The following DLGAP2 variants were observed in gnomAD, a reference collection of about 807,000 sequenced individuals.
DLGAP2 encodes the protein DLG associated protein 2, also known as disks large-associated protein 2.
Under a neutral mutation model 100.3 loss-of-function variants are expected in DLGAP2, and 26 were observed. The observed-to-expected ratio is 0.26, with a 90% CI of 0.19 to 0.36. The LOEUF is 0.36. Among genes scored for constraint, DLGAP2 ranks in the 10% least tolerant of loss-of-function variants. DLGAP2 has a pLI of 1.00. For missense variants in DLGAP2, 1,858 were observed against 1,453.2 expected (o/e 1.28, Z -4.53); for synonymous variants, 886 against 630.1 (o/e 1.41, Z -6.08).
intron 5 of DLGAP2, among the ~76,000 whole-genome samples, chr8:1,561,873 G>A (rs1357133135): frequency 2.4e-5 from 1 of 41,780 alleles, no homozygotes; most frequent in Non-Finnish European, 4.5e-5. Flanking sequence ...ACTGTGTGGT[G>A]TTGGGTGTCC....
chr8:1,630,667 A>T (rs1474945175), intron 7 of DLGAP2, among the ~76,000 whole-genome samples: 2 of 151,550 alleles, frequency 1.3e-5, no homozygotes, highest in African/African-American at 4.8e-5. Flanking sequence ...ACGCCACTGC[A>T]CTCCAGCCTG....
chr8:1,622,920 T>G (rs1439299168), intron 6 of DLGAP2, among the ~76,000 whole-genome samples: 1 of 152,130 alleles, frequency 6.6e-6, no homozygotes, highest in South Asian at 2.1e-4. Flanking sequence ...TGCTGGGGAC[T>G]TCACCCTGTG....
chr8:1,674,741 T>A (rs1188892571), intron 10 of DLGAP2, among the ~76,000 whole-genome samples: 2 of 152,236 alleles, frequency 1.3e-5, no homozygotes, highest in Non-Finnish European at 2.9e-5. Flanking sequence ...TGTATTTATA[T>A]AGCAGCATCA....
At chr8:939,976 C>T (rs1000100710) in intron 2 of DLGAP2, among the ~76,000 whole-genome samples, 6 of 151,978 alleles carry the variant, frequency 3.9e-5, no homozygotes, top group Non-Finnish European at 5.9e-5. Context: ...GCACACCAGG[C>T]CCCCAACTGC....
chr8:1,589,566 C>G (rs1167315867), intron 6 of DLGAP2, among the ~76,000 whole-genome samples: 3 of 152,170 alleles, frequency 2.0e-5, no homozygotes, highest in Non-Finnish European at 4.4e-5. Context: ...TCCCCAGTAT[C>G]TGGGACTACA....
intron 2 of DLGAP2, among the ~76,000 whole-genome samples, chr8:1,067,370 A>G (rs974559087): frequency 6.6e-6 from 1 of 152,174 alleles, no homozygotes; most frequent in Non-Finnish European, 1.5e-5. Context: ...CCTACCCAGC[A>G]GGGGCCCTGC....
At chr8:1,157,471 T>C (rs1796813474) in intron 2 of DLGAP2, among the ~76,000 whole-genome samples, 1 of 152,122 alleles carries the variant, frequency 6.6e-6, no homozygotes, top group South Asian at 2.1e-4. Flanking sequence ...AGTCTAAAGT[T>C]TTCATTCCCA....
intron 2 of DLGAP2, among the ~76,000 whole-genome samples, chr8:945,554 T>C (rs1799296773): frequency 6.6e-6 from 1 of 152,164 alleles, no homozygotes; most frequent in Non-Finnish European, 1.5e-5. Context: ...CCCATCTTTG[T>C]CTCTTCTTAC....
intron 7 of DLGAP2, among the ~76,000 whole-genome samples, chr8:1,631,905 A>C (rs1797656079): frequency 6.6e-6 from 1 of 152,094 alleles, no homozygotes; most frequent in Non-Finnish European, 1.5e-5. Context: ...CTTGCCTTTT[A>C]CTCTGCTGAC....
chr8:1,086,940 G>T (rs1803992475), intron 2 of DLGAP2, among the ~76,000 whole-genome samples: 1 of 152,122 alleles, frequency 6.6e-6, no homozygotes, highest in South Asian at 2.1e-4. Flanking sequence ...GCCAAAAACA[G>T]CTAAAGGATA....
chr8:916,140 A>G (rs1327293931), intron 2 of DLGAP2, among the ~76,000 whole-genome samples: 3 of 152,164 alleles, frequency 2.0e-5, no homozygotes, highest in Non-Finnish European at 4.4e-5. Flanking sequence ...CTCACTGTAG[A>G]CGCTCCGCAC....
At chr8:1,315,192 A>C (rs1236683077) in intron 3 of DLGAP2, among the ~76,000 whole-genome samples, 1 of 152,252 alleles carries the variant, frequency 6.6e-6, no homozygotes, top group Non-Finnish European at 1.5e-5. Context: ...AACACTCAAG[A>C]AACTCGGCAG....
At position 1,666,502 on chromosome 8, in the gene DLGAP2, G is replaced by A. The variant is rs1466635600; in HGVS notation, c.1811-1827G>A. Among the ~76,000 whole-genome samples the A allele has an allele frequency of 2.0e-5, 3 of 152,088 alleles. No individual in the cohort carries two copies. In the South Asian group the frequency reaches 6.2e-4, roughly 32 times the overall value. On this transcript the variant is annotated intron_variant, in intron 8 of 14. Coordinates refer to ENST00000637795, the MANE Select transcript of DLGAP2 (RefSeq NM_001346810.2). ...TTGAGACCAGGCTGGCCCACATGGT[G>A]AAACCCTGTCTCTATTAAAAATACA...
intron 2 of DLGAP2, among the ~76,000 whole-genome samples, chr8:1,193,099 T>C (rs1214070314): frequency 6.6e-6 from 1 of 152,122 alleles, no homozygotes; most frequent in Non-Finnish European, 1.5e-5. Context: ...TGCTTCCAAG[T>C]CTTTGCTATG....
intron 8 of DLGAP2, among the ~76,000 whole-genome samples, chr8:1,667,926 C>T (rs1014927805): frequency 9.2e-5 from 14 of 151,968 alleles, no homozygotes; most frequent in Non-Finnish European, 1.8e-4. Flanking sequence ...CGGGGACACA[C>T]CTTGCCTAGG....
At chr8:1,118,052 T>G (rs1795936083) in intron 2 of DLGAP2, among the ~76,000 whole-genome samples, 1 of 152,260 alleles carries the variant, frequency 6.6e-6, no homozygotes, top group Non-Finnish European at 1.5e-5. Flanking sequence ...TCATTTGGTC[T>G]TAAGTGGTTT....
chr8:845,786 C>A (rs559154825), intron 1 of DLGAP2, among the ~76,000 whole-genome samples: 3 of 152,048 alleles, frequency 2.0e-5, no homozygotes, highest in African/African-American at 7.2e-5. Context: ...TTTTATATAC[C>A]TTTTGCTGTT....
intron 3 of DLGAP2, among the ~76,000 whole-genome samples, chr8:1,382,778 C>T (rs1457520111): frequency 6.6e-6 from 1 of 152,106 alleles, no homozygotes; most frequent in East Asian, 1.9e-4. Context: ...GTATAGTTTA[C>T]ATTGATTATA....
At chr8:1,248,232 G>C (rs138633703) in intron 2 of DLGAP2, among the ~76,000 whole-genome samples, 85 of 6,972 alleles carry the variant, frequency 0.012, 7 homozygotes, top group South Asian at 0.037. Context: ...CGGTGGCCGG[G>C]AAGACCTTTG....
Sources: allele counts gnomAD v4.1 joint callset (sites outside exome capture counted in the v4.1 genomes callset), GRCh38; gene constraint gnomAD v4.1.1; transcripts MANE v1.5; gene names NCBI Gene and HGNC (gene_info 2026-07-23, HGNC 2026-07-21).